Variants in DYRK1A observed in about 807,000 individuals in gnomAD.
DYRK1A encodes dual specificity tyrosine-phosphorylation-regulated kinase 1A.
In DYRK1A, 9 loss-of-function variants were observed where a neutral mutation model predicts 79.7. That is an observed-to-expected ratio of 0.11 (90% CI 0.07 to 0.20). The LOEUF is 0.20. Ranked by LOEUF, DYRK1A falls within the 10% of genes least tolerant of loss-of-function variation. DYRK1A has a pLI of 1.00. For synonymous variants in DYRK1A, 349 were observed against 329.7 expected, an observed-to-expected ratio of 1.06 and a Z score of -0.63; for missense variants, 622 against 956.0, an observed-to-expected ratio of 0.65 and a Z score of 4.61.
intron 6 of DYRK1A, chr21:37,486,900 A>G (rs2052890293): frequency 4.6e-6 from 1 of 216,558 alleles, no homozygotes; most frequent in African/African-American, 2.3e-5. Context: ...GCTAATAATG[A>G]TGCATGTTTA....
intron 2 of DYRK1A, among the ~76,000 whole-genome samples, chr21:37,450,440 GC>G (rs776252553): frequency 5.3e-5 from 8 of 152,278 alleles, no homozygotes; most frequent in Non-Finnish European, 1.0e-4. Context: ...GGTTGCAGCC[GC>G]CCCCTCTGTA....
intron 2 of DYRK1A, among the ~76,000 whole-genome samples, chr21:37,442,372 G>A (rs1188899160): frequency 1.3e-5 from 2 of 152,106 alleles, no homozygotes; most frequent in Non-Finnish European, 2.9e-5. Context: ...CCAGAACTCA[G>A]TGAATGTCTG....
intron 1 of DYRK1A, among the ~76,000 whole-genome samples, chr21:37,418,114 T>G (rs1467959683): frequency 6.6e-6 from 1 of 152,238 alleles, no homozygotes; most frequent in Non-Finnish European, 1.5e-5. Flanking sequence ...ATAAAAACTC[T>G]GACCTTGTAT....
At chr21:37,386,012 T>A (rs1387989008) in intron 1 of DYRK1A, among the ~76,000 whole-genome samples, 1 of 152,116 alleles carries the variant, frequency 6.6e-6, no homozygotes, top group Non-Finnish European at 1.5e-5. Flanking sequence ...CCTGAGCACT[T>A]TATAAACGTA....
At chr21:37,376,790 C>G (rs2049550707) in intron 1 of DYRK1A, among the ~76,000 whole-genome samples, 1 of 151,702 alleles carries the variant, frequency 6.6e-6, no homozygotes, top group Non-Finnish European at 1.5e-5. Flanking sequence ...CTAGGATATT[C>G]TAGTTTTTAA....
intron 1 of DYRK1A, among the ~76,000 whole-genome samples, chr21:37,385,374 T>C (rs1404644491): frequency 2.6e-5 from 4 of 152,220 alleles, no homozygotes; most frequent in Admixed American, 6.5e-5. Flanking sequence ...AGATCTCTTC[T>C]AAGCTCATAT....
rs1244491376 is a variant in DYRK1A, at chr21:37,512,819, C to G, written c.*288C>G. ...GTCACAGTGGGGTTTTTTTGTCTTT[C>G]TATTCAGCAAAAGTTAATATTCAGA... On this transcript the variant is annotated 3_prime_UTR_variant, in exon 12 of 12. Transcript: ENST00000647188. The G allele has an allele frequency of 2.1e-5, 8 of 379,930 alleles. No individual in the cohort carries two copies. The highest frequency in any genetic ancestry group is 3.3e-5 in the Non-Finnish European group (7 of 211,834). 23.5% of individuals were successfully genotyped at this position (379,930 alleles called of 1,614,324 possible). A position where few individuals can be genotyped will look rare whatever the true frequency, so the allele number is the denominator to read the frequency against.
At chr21:37,455,300 A>C (rs1340500663) in intron 2 of DYRK1A, among the ~76,000 whole-genome samples, 1 of 151,962 alleles carries the variant, frequency 6.6e-6, no homozygotes, top group Non-Finnish European at 1.5e-5. Flanking sequence ...TTTCTCAGCC[A>C]CACCCTTTTC....
At chr21:37,403,716 T>C (rs1440358992) in intron 1 of DYRK1A, among the ~76,000 whole-genome samples, 2 of 149,188 alleles carry the variant, frequency 1.3e-5, no homozygotes, top group South Asian at 2.1e-4. Flanking sequence ...AGGCTGGTGT[T>C]GAACTCCTTG....
chr21:37,451,957 A>G (rs559278052), intron 2 of DYRK1A, among the ~76,000 whole-genome samples: 9 of 152,232 alleles, frequency 5.9e-5, no homozygotes, highest in Admixed American at 2.0e-4. Flanking sequence ...GAGTTGCTGA[A>G]GAGAAGAGCG....
chr21:37,517,173 C>G lies in DYRK1A; in HGVS notation c.*4642C>G, dbSNP rs556128909. The G allele has an allele frequency of 6.6e-6, 1 of 152,234 alleles. No homozygotes were observed. Among genetic ancestry groups the G allele is most frequent in the African/African-American group, 2.4e-5 (1 of 41,450 alleles). 9.4% of individuals were successfully genotyped at this position (152,234 alleles called of 1,614,324 possible). A position where few individuals can be genotyped will look rare whatever the true frequency, so the allele number is the denominator to read the frequency against. Reference sequence around the variant, plus strand: ...AGCTGGGTCCTGAAGGAGCACAGTACTAGAGCCTGAGTCATGTTGACTATT... The same window carrying G: ...AGCTGGGTCCTGAAGGAGCACAGTAGTAGAGCCTGAGTCATGTTGACTATT... On this transcript the variant is annotated 3_prime_UTR_variant, in exon 12 of 12. Coordinates refer to ENST00000647188, the MANE Select transcript of DYRK1A (RefSeq NM_001347721.2).
intron 1 of DYRK1A, among the ~76,000 whole-genome samples, chr21:37,407,120 T>A (rs2050163059): frequency 6.6e-6 from 1 of 152,132 alleles, no homozygotes; most frequent in African/African-American, 2.4e-5. Context: ...TTTACAAACG[T>A]AGGTTGGGTA....
intron 5 of DYRK1A, among the ~76,000 whole-genome samples, chr21:37,484,396 T>C (rs1482919316): frequency 6.6e-6 from 1 of 151,394 alleles, no homozygotes; most frequent in African/African-American, 2.4e-5. Flanking sequence ...TGGTGTGATC[T>C]TGGCTCATTG....
intron 9 of DYRK1A, among the ~76,000 whole-genome samples, chr21:37,497,035 A>G (rs181359557): frequency 1.6e-4 from 25 of 152,320 alleles, no homozygotes; most frequent in Non-Finnish European, 3.4e-4. Flanking sequence ...ATGTGATTGA[A>G]TATGACCCCC....
At chr21:37,412,429 C>A (rs962349201) in intron 1 of DYRK1A, among the ~76,000 whole-genome samples, 1 of 152,206 alleles carries the variant, frequency 6.6e-6, no homozygotes, top group Non-Finnish European at 1.5e-5. Context: ...CAGGATTCAT[C>A]TGTAACATCT....
chr21:37,367,334 G>A lies in DYRK1A; in HGVS notation c.-371G>A, dbSNP rs2049328625. On this transcript the variant is annotated 5_prime_UTR_variant, in exon 1 of 12. Coordinates refer to ENST00000647188, the MANE Select transcript of DYRK1A (RefSeq NM_001347721.2). Reference sequence around the variant, plus strand: ...CCGCCGCTCGGCGCCCGGCCTCGCCGACGCCGCCCTCTGCGCCGGGCCGGC... The same window carrying A: ...CCGCCGCTCGGCGCCCGGCCTCGCCAACGCCGCCCTCTGCGCCGGGCCGGC... 9.1e-6 allele frequency: 1 copy of A among 109,954 alleles called. No homozygotes were observed. Among genetic ancestry groups the A allele is most frequent in the Non-Finnish European group, 1.9e-5 (1 of 54,040 alleles). 6.8% of individuals were successfully genotyped at this position (109,954 alleles called of 1,614,324 possible).
At chr21:37,441,104 G>A (rs919120140) in intron 2 of DYRK1A, among the ~76,000 whole-genome samples, 2 of 152,072 alleles carry the variant, frequency 1.3e-5, no homozygotes, top group African/African-American at 4.8e-5. Context: ...TCAGGATTTA[G>A]TATGTTCTCT....
At chr21:37,400,281 T>C (rs1214091306) in intron 1 of DYRK1A, among the ~76,000 whole-genome samples, 4 of 152,180 alleles carry the variant, frequency 2.6e-5, no homozygotes, top group African/African-American at 9.6e-5. Flanking sequence ...GATAATCCCC[T>C]CATCTCAAGA....
chr21:37,374,989 A>G (rs2049508547), intron 1 of DYRK1A: 1 of 152,232 alleles, frequency 6.6e-6, no homozygotes, highest in African/African-American at 2.4e-5. Context: ...AGTGCCTCAG[A>G]ATAAGCAGGC....
Sources: allele counts gnomAD v4.1 joint callset (sites outside exome capture counted in the v4.1 genomes callset), GRCh38; gene constraint gnomAD v4.1.1; transcripts MANE v1.5; gene names NCBI Gene and HGNC (gene_info 2026-07-23, HGNC 2026-07-21).